EXOC6B: variants seen among roughly 807,000 people sequenced by gnomAD.
EXOC6B encodes exocyst complex component 6B.
Under a neutral mutation model 113.5 loss-of-function variants are expected in EXOC6B, and 54 were observed. The ratio of observed to expected loss-of-function variants is 0.48; its 90% CI spans 0.38 to 0.60. The LOEUF (loss-of-function observed/expected upper bound fraction) is 0.60, where lower values mean the gene tolerates loss of function less well. Ranked by LOEUF, EXOC6B falls within the 20% of genes least tolerant of loss-of-function variation. EXOC6B has a pLI of 0.00. For synonymous variants in EXOC6B, 357 were observed against 339.0 expected (o/e 1.05, Z -0.58); for missense variants, 797 against 977.5 (o/e 0.82, Z 2.46).
intron 6 of EXOC6B, among the ~76,000 whole-genome samples, chr2:72,583,780 G>A (rs1168206744): frequency 6.6e-6 from 1 of 151,998 alleles, no homozygotes; most frequent in African/African-American, 2.4e-5. Context: ...GAGTGCAGTG[G>A]CATGATCTCA....
intron 6 of EXOC6B, among the ~76,000 whole-genome samples, chr2:72,689,937 A>G (rs1677364633): frequency 6.6e-6 from 1 of 152,228 alleles, no homozygotes; most frequent in Admixed American, 6.5e-5. Context: ...TTTGTTATAC[A>G]AGTTTGAATT....
At chr2:72,803,223 C>A (rs1442186405) in intron 1 of EXOC6B, among the ~76,000 whole-genome samples, 1 of 151,942 alleles carries the variant, frequency 6.6e-6, no homozygotes, top group African/African-American at 2.4e-5. Flanking sequence ...ATTCCCAAAA[C>A]CAACTATAGA....
At chr2:72,622,791 A>C (rs1311854806) in intron 6 of EXOC6B, among the ~76,000 whole-genome samples, 1 of 152,252 alleles carries the variant, frequency 6.6e-6, no homozygotes, top group Non-Finnish European at 1.5e-5. Flanking sequence ...GAAATATACA[A>C]ATAAATAACA....
intron 6 of EXOC6B, among the ~76,000 whole-genome samples, chr2:72,710,649 G>A (rs556531930): frequency 1.2e-4 from 18 of 152,288 alleles, no homozygotes; most frequent in African/African-American, 4.1e-4. Context: ...ATACTTTTAC[G>A]TGGTGGTGAA....
intron 8 of EXOC6B, among the ~76,000 whole-genome samples, chr2:72,556,619 T>C (rs1325145086): frequency 1.3e-5 from 2 of 152,154 alleles, no homozygotes; most frequent in Non-Finnish European, 1.5e-5. Context: ...GTTTCTTTTT[T>C]CCATGAACTT....
chr2:72,256,635 G>A (rs888765263), intron 20 of EXOC6B, among the ~76,000 whole-genome samples: 1 of 152,122 alleles, frequency 6.6e-6, no homozygotes, highest in Non-Finnish European at 1.5e-5. Context: ...CATCTGAATC[G>A]TGTTGGAGAC....
At chr2:72,533,688 T>G (rs903270515) in intron 8 of EXOC6B, among the ~76,000 whole-genome samples, 3 of 152,170 alleles carry the variant, frequency 2.0e-5, no homozygotes, top group Non-Finnish European at 4.4e-5. Context: ...GTGTAGTTTT[T>G]CCAGAAACTA....
intron 20 of EXOC6B, among the ~76,000 whole-genome samples, chr2:72,189,375 T>A (rs960963484): frequency 1.3e-5 from 2 of 152,204 alleles, no homozygotes; most frequent in Non-Finnish European, 2.9e-5. Flanking sequence ...TGATGCTATG[T>A]CCTCCTCAGG....
At chr2:72,540,368 C>T (rs1702530790) in intron 8 of EXOC6B, among the ~76,000 whole-genome samples, 1 of 152,104 alleles carries the variant, frequency 6.6e-6, no homozygotes, top group Non-Finnish European at 1.5e-5. Flanking sequence ...CAAAAAAACT[C>T]ATGTAGCCTT....
In EXOC6B at chr2:72,178,488, T is replaced by A. The variant is rs867346324; in HGVS notation, c.*847A>T. ...GCCTATGGAAGTAACTGTTGATTTA[T>A]GTCCTGAACCAAGTGCTCTGACTGT... is the stretch of plus-strand genomic sequence containing the variant. On this transcript the variant is annotated 3_prime_UTR_variant, in exon 22 of 22. Transcript: ENST00000272427. 1 of 149,344 alleles carries A rather than the reference T, an allele frequency of 6.7e-6. No individual in the cohort carries two copies. Among genetic ancestry groups the A allele is most frequent in the Non-Finnish European group, 1.5e-5 (1 of 67,506 alleles). The allele number at this position is 149,344 out of a possible 1,614,324, so 9.3% of individuals were successfully genotyped here.
At chr2:72,545,608 T>C (rs1041022599) in intron 8 of EXOC6B, among the ~76,000 whole-genome samples, 5 of 152,214 alleles carry the variant, frequency 3.3e-5, no homozygotes, top group East Asian at 1.9e-4. Context: ...ACGAGGTGTT[T>C]TCCCCATATT....
intron 20 of EXOC6B, among the ~76,000 whole-genome samples, chr2:72,227,328 C>T (rs751301394): frequency 6.6e-6 from 1 of 152,060 alleles, no homozygotes; most frequent in Non-Finnish European, 1.5e-5. Context: ...TAAAAACTAT[C>T]AGGTGAAAAA....
rs113874714 is a variant in EXOC6B at position 72,688,557 on chromosome 2, G to A, written c.669+29546C>T. 1.5e-4 allele frequency among the ~76,000 whole-genome samples: 23 copies of A among 152,108 alleles called. 2 individuals are homozygous for A. Among genetic ancestry groups the A allele is most frequent in the African/African-American group, 4.6e-4 (19 of 41,512 alleles). On this transcript the variant is annotated intron_variant, in intron 6 of 21. Coordinates refer to ENST00000272427, the MANE Select transcript of EXOC6B (RefSeq NM_015189.3). Reference sequence around the variant, plus strand: ...GGCAGGGGCAGGGGCAGGGGCAGGGGGCAGGAGGAGAGAAGAGGTGGTATT... The same window carrying A: ...GGCAGGGGCAGGGGCAGGGGCAGGGAGCAGGAGGAGAGAAGAGGTGGTATT...
chr2:72,777,989 C>T (rs755138917), intron 1 of EXOC6B, among the ~76,000 whole-genome samples: 2 of 152,048 alleles, frequency 1.3e-5, no homozygotes, highest in African/African-American at 4.8e-5. Flanking sequence ...AAATACCTAT[C>T]TAACACAAAA....
At chr2:72,402,510 A>C (rs1331537188) in intron 18 of EXOC6B, among the ~76,000 whole-genome samples, 1 of 152,180 alleles carries the variant, frequency 6.6e-6, no homozygotes, top group African/African-American at 2.4e-5. Context: ...AGAATCTGTC[A>C]GCATTTCTTG....
chr2:72,296,694 A>G (rs1686157602), intron 20 of EXOC6B, among the ~76,000 whole-genome samples: 1 of 152,228 alleles, frequency 6.6e-6, no homozygotes, highest in African/African-American at 2.4e-5. Flanking sequence ...GTCAAGGAGG[A>G]GAGAAGAGTA....
chr2:72,305,190 C>T (rs1320032748), intron 20 of EXOC6B, among the ~76,000 whole-genome samples: 2 of 152,060 alleles, frequency 1.3e-5, no homozygotes, highest in African/African-American at 2.4e-5. Flanking sequence ...AGAAAGGTTA[C>T]GAATTTGTCC....
chr2:72,508,476 T>C (rs1700727924), intron 11 of EXOC6B, among the ~76,000 whole-genome samples: 1 of 151,966 alleles, frequency 6.6e-6, no homozygotes, highest in African/African-American at 2.4e-5. Context: ...ACATATCTTA[T>C]AAAAAATTAA....
chr2:72,384,251 T>C (rs937329431), intron 18 of EXOC6B, among the ~76,000 whole-genome samples: 1 of 151,960 alleles, frequency 6.6e-6, no homozygotes, highest in Non-Finnish European at 1.5e-5. Context: ...AGTGAATGAA[T>C]GAAGCAAGAC....
Sources: gnomAD v4.1 joint callset for allele counts (sites outside exome capture counted in the v4.1 genomes callset) on GRCh38, gnomAD v4.1.1 for gene constraint, MANE v1.5 for transcripts, NCBI Gene and HGNC (gene_info 2026-07-23, HGNC 2026-07-21) for gene names.